Variants in RMDN2 observed in about 807,000 individuals in gnomAD.
The protein encoded by RMDN2 is regulator of microtubule dynamics protein 2.
A neutral mutation model predicts 52.8 loss-of-function variants in RMDN2; 61 were observed. That is an observed-to-expected ratio of 1.16 (90% CI 0.94 to 1.43). The LOEUF is 1.43. Ranked by LOEUF, RMDN2 falls within the 40% of genes most tolerant of loss-of-function variation. The pLI is 0.00. For missense variants in RMDN2, 592 were observed against 475.3 expected, an observed-to-expected ratio of 1.25 and a Z score of -2.28; for synonymous variants, 180 against 153.1, an observed-to-expected ratio of 1.18 and a Z score of -1.30.
chr2:38,004,038 A>G lies in RMDN2; in HGVS notation c.1092A>G (p.Leu364=). 1 of 1,613,136 alleles carries G rather than the reference A, an allele frequency of 6.2e-7. No individual in the cohort carries two copies. Among genetic ancestry groups the G allele is most frequent in the South Asian group, 1.1e-5 (1 of 91,058 alleles). Residue 364 remains leucine, a synonymous_variant, in exon 9 of 11, where the codon TTA becomes TTG. Transcript: ENST00000354545. ...PGYSNPNYMY[L]AKCYTDLEEN... ...ATTCTAATCCCAATTACATGTACTT[A>G]GCAAAGGTAATGAAGACCACTGTTC... is the stretch of plus-strand genomic sequence containing the variant.
chr2:38,024,106 A>T (rs909086975), intron 10 of RMDN2, among the ~76,000 whole-genome samples: 2 of 152,192 alleles, frequency 1.3e-5, no homozygotes, highest in African/African-American at 2.4e-5. Flanking sequence ...ATGTGGTAAC[A>T]TGAACTAATA....
chr2:37,942,005 G>A (rs1318683167), intron 2 of RMDN2, among the ~76,000 whole-genome samples: 1 of 151,698 alleles, frequency 6.6e-6, no homozygotes, highest in African/African-American at 2.4e-5. Flanking sequence ...GCCCACTTTT[G>A]TGCTTGAAAC....
At chr2:37,953,647 A>G (rs539033142) in intron 2 of RMDN2, among the ~76,000 whole-genome samples, 2 of 152,082 alleles carry the variant, frequency 1.3e-5, no homozygotes, top group Non-Finnish European at 2.9e-5. Flanking sequence ...TGCACTGTCT[A>G]TGAACACGTG....
At chr2:37,993,065 C>G (rs1675025370) in intron 7 of RMDN2, among the ~76,000 whole-genome samples, 1 of 152,150 alleles carries the variant, frequency 6.6e-6, no homozygotes, top group East Asian at 1.9e-4. Flanking sequence ...CACGCGTGTG[C>G]CACCACGCTC....
chr2:38,004,324 A>G lies in RMDN2; in HGVS notation c.1179+108A>G, dbSNP rs561458546. 3.3e-5 allele frequency: 24 copies of G among 731,534 alleles called. No homozygotes were observed. The African/African-American group carries it at 4.3e-4, about 13-fold the overall frequency. The allele number at this position is 731,534 out of a possible 1,614,324, so 45.3% of individuals were successfully genotyped here. A position where few individuals can be genotyped will look rare whatever the true frequency, so the allele number is the denominator to read the frequency against. Reference sequence around the variant, plus strand: ...TTTGTAGTTTTCTCTATTCAATTTTATGTATTTATTTTTATTCTACCTTTA... The same window carrying G: ...TTTGTAGTTTTCTCTATTCAATTTTGTGTATTTATTTTTATTCTACCTTTA... On this transcript the variant is annotated intron_variant, in intron 10 of 10. Coordinates refer to ENST00000354545, the MANE Select transcript of RMDN2 (RefSeq NM_001170791.3).
At chr2:38,030,224 C>T (rs1470155837) in intron 10 of RMDN2, 1 of 152,232 alleles carries the variant, frequency 6.6e-6, no homozygotes, top group Admixed American at 6.5e-5. Flanking sequence ...CATTACAGAT[C>T]TGTGTGCATT....
At chr2:37,965,948 G>A (rs556514923) in intron 2 of RMDN2, among the ~76,000 whole-genome samples, 1 of 152,252 alleles carries the variant, frequency 6.6e-6, no homozygotes, top group African/African-American at 2.4e-5. Flanking sequence ...ACTGCCTTCT[G>A]GTTTGCAAGG....
upstream of RMDN2, among the ~76,000 whole-genome samples, chr2:37,921,654 C>A (rs1443245153): frequency 1.3e-5 from 2 of 152,140 alleles, no homozygotes; most frequent in Admixed American, 1.3e-4. Flanking sequence ...GTAAATGGTG[C>A]TATGAAGAGT....
rs1036474076 is a variant in RMDN2 at position 37,947,985 on chromosome 2, T to C, written c.452+18256T>C. Among the ~76,000 whole-genome samples, 7 of 152,268 alleles carry C rather than the reference T, an allele frequency of 4.6e-5. No individual in the cohort carries two copies. In the Middle Eastern group the frequency reaches 0.01, roughly 222 times the overall value. On this transcript the variant is annotated intron_variant, in intron 2 of 10. Coordinates refer to ENST00000354545, the MANE Select transcript of RMDN2 (RefSeq NM_001170791.3). Reference sequence around the variant, plus strand: ...CAGTCCTAGTATTGTTCACTGTCTTTTCTAGACTCCAGCTTAGATAGGCAG... The same window carrying C: ...CAGTCCTAGTATTGTTCACTGTCTTCTCTAGACTCCAGCTTAGATAGGCAG...
chr2:37,930,720 C>T (rs947933517), intron 2 of RMDN2, among the ~76,000 whole-genome samples: 10 of 152,272 alleles, frequency 6.6e-5, no homozygotes, highest in African/African-American at 2.4e-4. Flanking sequence ...CCCACATTCC[C>T]CAAAGAAGTA....
rs540598977 is a variant in RMDN2 at position 38,054,362 on chromosome 2, C to T, written c.1714-12620C>T. Among the ~76,000 whole-genome samples, 27 of 152,298 alleles carry T rather than the reference C, an allele frequency of 1.8e-4. 1 individual carries two copies. In the East Asian group the frequency reaches 4.8e-3, roughly 27 times the overall value. On this transcript the variant is annotated intron_variant, in intron 10 of 10. Coordinates refer to the RMDN2 transcript ENST00000234195. ...AGTATTTTACTGTTAGATTAGGCAA[C>T]TATAAAACATTGGAGAAAATATTAG...
At chr2:38,026,523 A>T (rs1478542439) in intron 10 of RMDN2, among the ~76,000 whole-genome samples, 1 of 151,264 alleles carries the variant, frequency 6.6e-6, no homozygotes, top group Non-Finnish European at 1.5e-5. Context: ...CCTTCTCTTT[A>T]CTTTGGGTTT....
intron 10 of RMDN2, among the ~76,000 whole-genome samples, chr2:38,057,314 C>T (rs1179885532): frequency 6.6e-6 from 1 of 152,216 alleles, no homozygotes; most frequent in Non-Finnish European, 1.5e-5. Flanking sequence ...GCATTACAGT[C>T]AAATGAGCAT....
intron 5 of RMDN2, among the ~76,000 whole-genome samples, chr2:37,988,192 A>G (rs575762534): frequency 1.4e-3 from 214 of 152,370 alleles, no homozygotes; most frequent in Non-Finnish European, 2.5e-3. Context: ...AATTTTTTAA[A>G]TAAAAGAACA....
intron 10 of RMDN2, among the ~76,000 whole-genome samples, chr2:38,049,961 C>G (rs527908943): frequency 6.6e-6 from 1 of 152,302 alleles, no homozygotes; most frequent in South Asian, 2.1e-4. Context: ...TGCATGCTTA[C>G]TTTATTGTAA....
At chr2:37,976,004 C>A (rs540423894) in intron 4 of RMDN2, among the ~76,000 whole-genome samples, 35 of 152,172 alleles carry the variant, frequency 2.3e-4, no homozygotes, top group Non-Finnish European at 4.3e-4. Context: ...CAGTTGTCAA[C>A]CACAGTTAAA....
chr2:38,018,955 A>G (rs1378530206), downstream of RMDN2, among the ~76,000 whole-genome samples: 4 of 152,194 alleles, frequency 2.6e-5, no homozygotes, highest in Admixed American at 2.6e-4. Flanking sequence ...CTGGTTAGGT[A>G]AATTAAGCAA....
At chr2:38,038,137 C>T (rs535538438) in intron 10 of RMDN2, among the ~76,000 whole-genome samples, 1 of 152,186 alleles carries the variant, frequency 6.6e-6, no homozygotes, top group South Asian at 2.1e-4. Context: ...CAGAAAAGCA[C>T]TTCCAGGCTC....
chr2:38,059,882 T>C (rs1378720543), intron 10 of RMDN2, among the ~76,000 whole-genome samples: 3 of 151,454 alleles, frequency 2.0e-5, no homozygotes, highest in Non-Finnish European at 4.4e-5. Context: ...TTGTCGTTGG[T>C]TTTTTTTGTT....
Sources: gnomAD v4.1 joint callset for allele counts (sites outside exome capture counted in the v4.1 genomes callset) on GRCh38, gnomAD v4.1.1 for gene constraint, MANE v1.5 for transcripts, NCBI Gene and HGNC (gene_info 2026-07-23, HGNC 2026-07-21) for gene names.